CNTN3: variants seen among roughly 807,000 people sequenced by gnomAD.
The protein encoded by CNTN3 is contactin-3.
A neutral mutation model predicts 119.1 loss-of-function variants in CNTN3; 60 were observed. That is an observed-to-expected ratio of 0.50 (90% confidence interval 0.41 to 0.62). The LOEUF (loss-of-function observed/expected upper bound fraction) is 0.62, where lower values mean the gene tolerates loss of function less well. Among genes scored for constraint, CNTN3 ranks in the 20% least tolerant of loss-of-function variants. The pLI, the probability that CNTN3 is intolerant of heterozygous loss-of-function variation, is 0.00. For missense variants in CNTN3, 1,101 were observed against 1,242.4 expected (o/e 0.89, Z 1.71); for synonymous variants, 450 against 438.7 (o/e 1.03, Z -0.32).
At chr3:74,285,788 GAGATAT>G (rs1553692023) in intron 19 of CNTN3, among the ~76,000 whole-genome samples, 2 of 84,656 alleles carry the variant, frequency 2.4e-5, no homozygotes. Context: ...GAATGAAGGG[GAGATAT>G]ATATATATAT....
intron 2 of CNTN3, among the ~76,000 whole-genome samples, chr3:74,504,645 A>G (rs1173614571): frequency 6.6e-6 from 1 of 152,172 alleles, no homozygotes; most frequent in Non-Finnish European, 1.5e-5. Context: ...GACATGTGCC[A>G]CATGTGAAAA....
intron 1 of CNTN3, among the ~76,000 whole-genome samples, chr3:74,589,932 G>A (rs1704670323): frequency 1.6e-5 from 2 of 127,460 alleles, no homozygotes; most frequent in African/African-American, 5.9e-5. Flanking sequence ...ACAGGAAGGG[G>A]AACATCACAC....
chr3:74,419,049 G>A (rs979128096), intron 5 of CNTN3, among the ~76,000 whole-genome samples: 9 of 151,722 alleles, frequency 5.9e-5, no homozygotes, highest in Admixed American at 2.6e-4. Flanking sequence ...CACCCTCCTC[G>A]GCCTCCCAAA....
At chr3:74,516,860 T>C (rs985884793) in intron 2 of CNTN3, among the ~76,000 whole-genome samples, 1 of 151,950 alleles carries the variant, frequency 6.6e-6, no homozygotes, top group African/African-American at 2.4e-5. Flanking sequence ...GTCTGGCTCC[T>C]CTAGAAACTA....
chr3:74,445,070 C>T (rs1303692331), intron 4 of CNTN3, among the ~76,000 whole-genome samples: 3 of 152,046 alleles, frequency 2.0e-5, no homozygotes, highest in Non-Finnish European at 2.9e-5. Flanking sequence ...ACAACTACTG[C>T]GGTATTGCTC....
At chr3:74,373,526 A>C (rs1472379826) in intron 5 of CNTN3, among the ~76,000 whole-genome samples, 1 of 152,192 alleles carries the variant, frequency 6.6e-6, no homozygotes, top group African/African-American at 2.4e-5. Context: ...TACCAAAAAG[A>C]ATGGTTGAGA....
intron 4 of CNTN3, among the ~76,000 whole-genome samples, chr3:74,443,288 AT>A (rs1332976756): frequency 6.6e-6 from 1 of 152,094 alleles, no homozygotes; most frequent in Non-Finnish European, 1.5e-5. Context: ...GGGCCCTTGG[AT>A]CCTTTCCATC....
chr3:74,418,906 A>G (rs560276201), intron 5 of CNTN3, among the ~76,000 whole-genome samples: 69 of 151,734 alleles, frequency 4.5e-4, no homozygotes, highest in African/African-American at 1.5e-3. Context: ...CTCTTGCCTC[A>G]GCCTCCCAAG....
chr3:74,478,218 G>A (rs374046699), intron 4 of CNTN3, among the ~76,000 whole-genome samples: 25 of 152,208 alleles, frequency 1.6e-4, no homozygotes, highest in South Asian at 1.4e-3. Flanking sequence ...TGATGTGTGC[G>A]CAGAATCCTC....
chr3:74,495,588 C>G (rs1478247972), intron 3 of CNTN3, among the ~76,000 whole-genome samples: 1 of 151,988 alleles, frequency 6.6e-6, no homozygotes, highest in Non-Finnish European at 1.5e-5. Context: ...TCAGACTTCC[C>G]TTCCTTACAT....
At chr3:74,605,970 T>C (rs1704984601) in intron 1 of CNTN3, among the ~76,000 whole-genome samples, 1 of 152,168 alleles carries the variant, frequency 6.6e-6, no homozygotes, top group South Asian at 2.1e-4. Flanking sequence ...TATCTTTTTC[T>C]GAAGTTATTT....
chr3:74,457,353 C>T (rs949959033), intron 4 of CNTN3, among the ~76,000 whole-genome samples: 1 of 152,108 alleles, frequency 6.6e-6, no homozygotes, highest in African/African-American at 2.4e-5. Context: ...TTAACAGCCA[C>T]TGATTTACAA....
At chr3:74,582,077 C>A (rs59568977) in intron 1 of CNTN3, among the ~76,000 whole-genome samples, 1,984 of 152,136 alleles carry the variant, frequency 0.013, 38 homozygotes, top group African/African-American at 0.045. Context: ...AAAGGACAAA[C>A]TAGATTTCTC....
chr3:74,402,206 C>G (rs1404091870), intron 5 of CNTN3, among the ~76,000 whole-genome samples: 2 of 152,112 alleles, frequency 1.3e-5, no homozygotes, highest in South Asian at 4.1e-4. Context: ...GTCCCAAAAC[C>G]CCCAAGGTTT....
At chr3:74,279,647 G>A (rs1701957410) in intron 20 of CNTN3, among the ~76,000 whole-genome samples, 1 of 150,358 alleles carries the variant, frequency 6.7e-6, no homozygotes, top group Non-Finnish European at 1.5e-5. Flanking sequence ...GGGGAAGGTT[G>A]GGAGGGGGGC....
rs1701556910 is a variant in CNTN3 at position 74,418,252 on chromosome 3, T to C, written c.454+6593A>G. 2.0e-5 allele frequency among the ~76,000 whole-genome samples: 3 copies of C among 151,744 alleles called. No homozygotes were observed. In the South Asian group the frequency reaches 6.2e-4, roughly 32 times the overall value. On this transcript the variant is annotated intron_variant, in intron 5 of 22. Transcript: ENST00000263665. ...TATGTTGCCTAGTCTGGTTTCAAAC[T>C]CCTGGCCTCAAGGGATCCTCCCATC...
chr3:74,291,808 G>A (rs1365330472), intron 19 of CNTN3, among the ~76,000 whole-genome samples: 1 of 152,114 alleles, frequency 6.6e-6, no homozygotes, highest in African/African-American at 2.4e-5. Flanking sequence ...ACTTACTTTT[G>A]TGTTTGATTT....
At chr3:74,469,614 G>C (rs964182735) in intron 4 of CNTN3, among the ~76,000 whole-genome samples, 4 of 152,300 alleles carry the variant, frequency 2.6e-5, no homozygotes, top group Admixed American at 2.0e-4. Context: ...CACATCGTTA[G>C]TCATCAGGGA....
chr3:74,295,596 G>A (rs1222262540), intron 18 of CNTN3, among the ~76,000 whole-genome samples: 2 of 151,850 alleles, frequency 1.3e-5, no homozygotes, highest in African/African-American at 4.8e-5. Context: ...GCCCACAGAC[G>A]CTACTTAGTT....
Sources: allele counts gnomAD v4.1 joint callset (sites outside exome capture counted in the v4.1 genomes callset), GRCh38; gene constraint gnomAD v4.1.1; transcripts MANE v1.5; gene names NCBI Gene and HGNC (gene_info 2026-07-23, HGNC 2026-07-21).